Variants in OR4F6 observed in about 807,000 individuals in gnomAD.
OR4F6 encodes the protein olfactory receptor family 4 subfamily F member 6.
In OR4F6, 13 loss-of-function variants were observed where a neutral mutation model predicts 15.9. The ratio of observed to expected loss-of-function variants is 0.82; its 90% CI spans 0.53 to 1.30. The LOEUF is 1.30. Among genes scored for constraint, OR4F6 ranks in the 50% most tolerant of loss-of-function variants. OR4F6 has a pLI of 0.00. For synonymous variants in OR4F6, 150 were observed against 133.8 expected, an observed-to-expected ratio of 1.12 and a Z score of -0.83; for missense variants, 426 against 367.2, an observed-to-expected ratio of 1.16 and a Z score of -1.31.
chr15:101,805,887 G>T lies in OR4F6; in HGVS notation c.168G>T (p.Gln56His), dbSNP rs1293132452. 10 of 1,614,004 alleles carry T rather than the reference G, an allele frequency of 6.2e-6. No homozygotes were observed. The highest frequency in any genetic ancestry group is 8.5e-6 in the Non-Finnish European group (10 of 1,180,034). Reference sequence around the variant, plus strand: ...CTGTGACCTCTGACCCTCGTTTACAGTCCCCCATGTACTTCCTGCTGGCCA... The same window carrying T: ...CTGTGACCTCTGACCCTCGTTTACATTCCCCCATGTACTTCCTGCTGGCCA... ...VLTVTSDPRL[Q>H]SPMYFLLANL... is the part of the protein sequence containing the mutation. The change falls in exon 2 of 2, where the codon CAG (glutamine) becomes CAT (histidine). Residue 56 changes from glutamine to histidine, a missense_variant. Gln to His is a conservative substitution (Grantham distance 24). Transcript: ENST00000328882.
At position 101,806,801 on chromosome 15, in the gene OR4F6, G is replaced by A. The variant is rs1021130057; in HGVS notation, c.*143G>A. The A allele has an allele frequency of 5.8e-6, 3 of 521,576 alleles. No individual in the cohort carries two copies. The African/African-American group carries it at 5.8e-5, about 10-fold the overall frequency. 32.3% of individuals were successfully genotyped at this position (521,576 alleles called of 1,614,324 possible). A position where few individuals can be genotyped will look rare whatever the true frequency, so the allele number is the denominator to read the frequency against. On this transcript the variant is annotated 3_prime_UTR_variant, in exon 2 of 2. Coordinates refer to ENST00000328882, the MANE Select transcript of OR4F6 (RefSeq NM_001005326.2). Reference sequence around the variant, plus strand: ...CTTTTTTTTCTTCCCAAATTGAATTGTGGTATCAATCTCTTGCTTATATAG... The same window carrying A: ...CTTTTTTTTCTTCCCAAATTGAATTATGGTATCAATCTCTTGCTTATATAG...
intron 1 of OR4F6, among the ~76,000 whole-genome samples, chr15:101,804,313 T>G (rs1176641727): frequency 1.3e-5 from 2 of 152,240 alleles, no homozygotes; most frequent in Non-Finnish European, 2.9e-5. Context: ...CTTAGAATTA[T>G]CATCCTCATT....
rs372402309 is a variant in OR4F6 at position 101,803,900 on chromosome 15, G to A, written c.-34+355G>A. ...AAACAAACTAGTTTTGGTATGTTAC[G>A]GTTTCCTGGGCCACAGACAGCACAC... On this transcript the variant is annotated intron_variant, in intron 1 of 1. Transcript: ENST00000328882. Among the ~76,000 whole-genome samples, 11 of 152,230 alleles carry A rather than the reference G, an allele frequency of 7.2e-5. 1 individual carries two copies. In the East Asian group the frequency reaches 1.7e-3, roughly 24 times the overall value.
In OR4F6 at chr15:101,806,826, G is replaced by T; in HGVS notation, c.*168G>T. Reference sequence around the variant, plus strand: ...GTGGTATCAATCTCTTGCTTATATAGGAGATTTAAAGATTAAACAGTGTGG... The same window carrying T: ...GTGGTATCAATCTCTTGCTTATATATGAGATTTAAAGATTAAACAGTGTGG... On this transcript the variant is annotated 3_prime_UTR_variant, in exon 2 of 2. Transcript: ENST00000328882. 2.1e-6 allele frequency: 1 copy of T among 467,926 alleles called. No homozygotes were observed. Among genetic ancestry groups the T allele is most frequent in the South Asian group, 5.4e-5 (1 of 18,552 alleles). 29.0% of individuals were successfully genotyped at this position (467,926 alleles called of 1,614,324 possible). A position where few individuals can be genotyped will look rare whatever the true frequency, so the allele number is the denominator to read the frequency against.
At position 101,806,267 on chromosome 15, in the gene OR4F6, G is replaced by C; in HGVS notation, c.548G>C (p.Arg183Pro). The C allele has an allele frequency of 6.4e-7, 1 of 1,566,496 alleles. No homozygotes were observed. Among genetic ancestry groups the C allele is most frequent in the Middle Eastern group, 1.7e-4 (1 of 5,908 alleles). Residue 183 changes from arginine to proline, a missense_variant, in exon 2 of 2, where the codon CGA (arginine) becomes CCA (proline). Physicochemically the swap from Arg to Pro is moderately radical, Grantham distance 103. Transcript: ENST00000328882. ...ELDSFFCDLP[R>P]FIKLACIETY... The stretch of plus-strand genomic sequence containing the variant: ...GATAGTTTCTTTTGTGATCTTCCTC[G>C]ATTTATCAAACTGGCTTGCATAGAG...
chr15:101,804,939 T>A (rs1048813874), intron 1 of OR4F6, among the ~76,000 whole-genome samples: 8 of 152,364 alleles, frequency 5.3e-5, no homozygotes, highest in Non-Finnish European at 1.2e-4. Context: ...GAGACATTGA[T>A]AGAGTAACTT....
In OR4F6 at chr15:101,806,837, G is replaced by T; in HGVS notation, c.*179G>T. On this transcript the variant is annotated 3_prime_UTR_variant, in exon 2 of 2. Coordinates refer to ENST00000328882, the MANE Select transcript of OR4F6 (RefSeq NM_001005326.2). ...CTCTTGCTTATATAGGAGATTTAAA[G>T]ATTAAACAGTGTGGCTACTTTATTT... 4.5e-6 allele frequency: 2 copies of T among 446,164 alleles called. No individual in the cohort carries two copies. The highest frequency in any genetic ancestry group is 7.8e-6 in the Non-Finnish European group (2 of 255,046). 27.6% of individuals were successfully genotyped at this position (446,164 alleles called of 1,614,324 possible).
chr15:101,804,738 T>C (rs1298614389), intron 1 of OR4F6, among the ~76,000 whole-genome samples: 1 of 152,192 alleles, frequency 6.6e-6, no homozygotes, highest in African/African-American at 2.4e-5. Flanking sequence ...AGATAGAACA[T>C]GAAAGACTGG....
intron 1 of OR4F6, among the ~76,000 whole-genome samples, chr15:101,804,906 G>T (rs369037068): frequency 6.6e-6 from 1 of 152,292 alleles, no homozygotes; most frequent in East Asian, 1.9e-4. Context: ...AATTAAAACA[G>T]TTTTAGGAGT....
rs1902817332 is a variant in OR4F6 at position 101,806,788 on chromosome 15, C to T, written c.*130C>T. On this transcript the variant is annotated 3_prime_UTR_variant, in exon 2 of 2. Coordinates refer to ENST00000328882, the MANE Select transcript of OR4F6 (RefSeq NM_001005326.2). ...TGTATTGTGTTGTCTTTTTTTTCTT[C>T]CCAAATTGAATTGTGGTATCAATCT... The T allele has an allele frequency of 1.9e-6, 1 of 539,240 alleles. No individual in the cohort carries two copies. Among genetic ancestry groups the T allele is most frequent in the Admixed American group, 3.7e-5 (1 of 27,246 alleles). The allele number at this position is 539,240 out of a possible 1,614,324, so 33.4% of individuals were successfully genotyped here. A position where few individuals can be genotyped will look rare whatever the true frequency, so the allele number is the denominator to read the frequency against.
At position 101,806,025 on chromosome 15, in the gene OR4F6, C is replaced by T. The variant is rs1164429244; in HGVS notation, c.306C>T (p.Phe102=). ...ISFGGCVVQI[F]FIHAVGGTEM... ...TTGGGGGCTGTGTAGTTCAGATCTT[C>T]TTTATCCATGCAGTTGGGGGAACTG... is the stretch of plus-strand genomic sequence containing the variant. Residue 102 remains phenylalanine, a synonymous_variant, in exon 2 of 2, where the codon TTC becomes TTT. Transcript: ENST00000328882. The T allele has an allele frequency of 6.2e-7, 1 of 1,614,166 alleles. No individual in the cohort carries two copies. The highest frequency in any genetic ancestry group is 1.7e-5 in the Admixed American group (1 of 60,014).
rs1227708201 is a variant in OR4F6 at position 101,805,898 on chromosome 15, A to T, written c.179A>T (p.Tyr60Phe). The T allele has an allele frequency of 6.2e-7, 1 of 1,614,072 alleles. No homozygotes were observed. The highest frequency in any genetic ancestry group is 8.5e-7 in the Non-Finnish European group (1 of 1,180,012). The change falls in exon 2 of 2, where the codon TAC becomes TTC. Residue 60 changes from tyrosine to phenylalanine, a missense_variant. Physicochemically the swap from Tyr to Phe is conservative, Grantham distance 22. Transcript: ENST00000328882. The part of the protein sequence containing the change: ...TSDPRLQSPM[Y>F]FLLANLSIIN... ...GACCCTCGTTTACAGTCCCCCATGT[A>T]CTTCCTGCTGGCCAACCTTTCCATC...
In OR4F6 at chr15:101,806,182, C is replaced by G. The variant is rs768479681; in HGVS notation, c.463C>G (p.His155Asp). 2 of 1,614,056 alleles carry G rather than the reference C, an allele frequency of 1.2e-6. No homozygotes were observed. Among genetic ancestry groups the G allele is most frequent in the South Asian group, 2.2e-5 (2 of 91,082 alleles). The change falls in exon 2 of 2, where the codon CAC becomes GAC. Residue 155 changes from histidine to aspartate, a missense_variant. Transcript: ENST00000328882. The part of the protein sequence containing the change: ...LVISWIIGII[H>D]SVIQLAFVVD... ...CATTTCCTGGATTATAGGTATTATTCACTCAGTGATTCAGTTGGCTTTTGT... is the reference window on the plus strand; with the variant it reads ...CATTTCCTGGATTATAGGTATTATTGACTCAGTGATTCAGTTGGCTTTTGT...
chr15:101,806,738 A>G lies in OR4F6; in HGVS notation c.*80A>G. The stretch of plus-strand genomic sequence containing the variant: ...TGTTAAGTAAGCTATGTTAAATTTA[A>G]CCAGAATATCACTTTCTACTAGTAT... On this transcript the variant is annotated 3_prime_UTR_variant, in exon 2 of 2. Coordinates refer to ENST00000328882, the MANE Select transcript of OR4F6 (RefSeq NM_001005326.2). The G allele has an allele frequency of 1.2e-6, 1 of 816,800 alleles. No homozygotes were observed. Among genetic ancestry groups the G allele is most frequent in the South Asian group, 2.1e-5 (1 of 47,710 alleles). 50.6% of individuals were successfully genotyped at this position (816,800 alleles called of 1,614,324 possible).
chr15:101,805,866 G>A lies in OR4F6; in HGVS notation c.147G>A (p.Val49=). 2 of 1,614,066 alleles carry A rather than the reference G, an allele frequency of 1.2e-6. No homozygotes were observed. Residue 49 remains valine, a synonymous_variant, in exon 2 of 2, where the codon GTG becomes GTA. Transcript: ENST00000328882. The part of the protein sequence containing the change: ...LMGNLLIVLT[V]TSDPRLQSPM... ...GAAATCTCCTCATTGTGCTAACTGT[G>A]ACCTCTGACCCTCGTTTACAGTCCC...
chr15:101,804,268 G>C (rs950170459), intron 1 of OR4F6, among the ~76,000 whole-genome samples: 1 of 152,058 alleles, frequency 6.6e-6, no homozygotes, highest in African/African-American at 2.4e-5. Flanking sequence ...ATCTTTATCG[G>C]AGTGACTTCA....
In OR4F6 at chr15:101,805,848, C is replaced by A; in HGVS notation, c.129C>A (p.Leu43=). The change falls in exon 2 of 2, where the codon CTC becomes CTA. Residue 43 remains leucine, a synonymous_variant. Transcript: ENST00000328882. ...ATGTGTCAAGCCTGATGGGAAATCTCCTCATTGTGCTAACTGTGACCTCTG... is the reference window on the plus strand; with the variant it reads ...ATGTGTCAAGCCTGATGGGAAATCTACTCATTGTGCTAACTGTGACCTCTG... ...VFYVSSLMGN[L]LIVLTVTSDP... is the part of the protein sequence containing the mutation. The A allele has an allele frequency of 6.2e-7, 1 of 1,614,050 alleles. No individual in the cohort carries two copies. The highest frequency in any genetic ancestry group is 1.3e-5 in the African/African-American group (1 of 75,018).
chr15:101,805,885 C>T lies in OR4F6; in HGVS notation c.166C>T (p.Gln56Ter), dbSNP rs759579170. The T allele has an allele frequency of 5.0e-6, 8 of 1,614,158 alleles. No homozygotes were observed. In the Admixed American group the frequency reaches 1.3e-4, roughly 27 times the overall value. Residue 56 changes from glutamine to a stop codon, truncating the protein, a stop_gained, in exon 2 of 2, where the codon CAG becomes TAG. Coordinates refer to ENST00000328882, the MANE Select transcript of OR4F6 (RefSeq NM_001005326.2). LOFTEE classifies it high-confidence loss of function. ...AACTGTGACCTCTGACCCTCGTTTA[C>T]AGTCCCCCATGTACTTCCTGCTGGC... ...VLTVTSDPRL[Q>*]SPMYFLLANL...
chr15:101,804,880 AAAAGTCTTGTGT>A (rs1157593297), intron 1 of OR4F6, among the ~76,000 whole-genome samples: 6 of 150,732 alleles, frequency 4.0e-5, no homozygotes, highest in African/African-American at 1.5e-4. Context: ...AAGATAAAAC[AAAAGTCTTGTGT>A]AAAAATTAAA....
Sources: allele counts gnomAD v4.1 joint callset (sites outside exome capture counted in the v4.1 genomes callset), GRCh38; gene constraint gnomAD v4.1.1; transcripts MANE v1.5; gene names NCBI Gene and HGNC (gene_info 2026-07-23, HGNC 2026-07-21).